The following OLFM3 variants were observed in gnomAD, a reference collection of about 807,000 sequenced individuals.
The protein encoded by OLFM3 is noelin-3.
OLFM3 carries 20 observed loss-of-function variants against 48.6 expected under a neutral mutation model. The ratio of observed to expected loss-of-function variants is 0.41; its 90% confidence interval spans 0.29 to 0.60. OLFM3 has a LOEUF of 0.60. Among genes scored for constraint, OLFM3 ranks in the 20% least tolerant of loss-of-function variants. The probability of loss-of-function intolerance (pLI) is 0.28; values close to 1 mark genes in which losing one functional copy is unlikely to be tolerated. For missense variants in OLFM3, 437 were observed against 544.3 expected, an observed-to-expected ratio of 0.80 and a Z score of 1.96; for synonymous variants, 222 against 198.1, an observed-to-expected ratio of 1.12 and a Z score of -1.01.
chr1:101,928,854 T>G (rs1173890795), intron 1 of OLFM3, among the ~76,000 whole-genome samples: 1 of 152,122 alleles, frequency 6.6e-6, no homozygotes, highest in East Asian at 1.9e-4. Context: ...AAAAGAGGCT[T>G]GTATTAAAAT....
At chr1:101,877,846 C>T (rs1420732641) in intron 1 of OLFM3, among the ~76,000 whole-genome samples, 1 of 150,786 alleles carries the variant, frequency 6.6e-6, no homozygotes, top group Non-Finnish European at 1.5e-5. Context: ...TTTATTAAAT[C>T]TTAGTTGTAA....
intron 1 of OLFM3, among the ~76,000 whole-genome samples, chr1:101,993,517 C>T (rs982524691): frequency 3.3e-5 from 5 of 151,976 alleles, no homozygotes; most frequent in Admixed American, 6.6e-5. Context: ...TTTGGCATGT[C>T]GTCTATAATT....
intron 4 of OLFM3, among the ~76,000 whole-genome samples, chr1:101,817,634 T>C (rs1357246553): frequency 1.3e-5 from 2 of 148,890 alleles, no homozygotes; most frequent in African/African-American, 5.0e-5. Flanking sequence ...TTATTTCTTA[T>C]ATAATTGTAC....
intron 3 of OLFM3, among the ~76,000 whole-genome samples, chr1:101,829,617 C>T (rs1455913006): frequency 6.6e-6 from 1 of 152,218 alleles, no homozygotes; most frequent in Non-Finnish European, 1.5e-5. Flanking sequence ...CACCAGCCAC[C>T]ACTATGTGTA....
At chr1:101,976,484 A>C (rs1660955588) in intron 1 of OLFM3, among the ~76,000 whole-genome samples, 1 of 152,236 alleles carries the variant, frequency 6.6e-6, no homozygotes, top group Non-Finnish European at 1.5e-5. Flanking sequence ...ATACTAATAC[A>C]ATAATAGAAT....
At chr1:101,895,447 ACT>A in intron 1 of OLFM3, among the ~76,000 whole-genome samples, 1 of 149,814 alleles carries the variant, frequency 6.7e-6, no homozygotes, top group Non-Finnish European at 1.5e-5. Flanking sequence ...ACACACACAC[ACT>A]CACTCACATT....
chr1:101,949,969 A>G lies in OLFM3; in HGVS notation c.69+46779T>C, dbSNP rs551748930. Reference sequence around the variant, plus strand: ...AAAAAGCCTCTGATGCGGAGTTTGCAGTGAGCCGAGATCGTGCCACTGCAC... The same window carrying G: ...AAAAAGCCTCTGATGCGGAGTTTGCGGTGAGCCGAGATCGTGCCACTGCAC... On this transcript the variant is annotated intron_variant, in intron 1 of 5. Transcript: ENST00000370103. Among the ~76,000 whole-genome samples, 17 of 140,492 alleles carry G rather than the reference A, an allele frequency of 1.2e-4. No homozygotes were observed. The South Asian group carries it at 3.8e-3, about 31-fold the overall frequency. 92.2% of individuals were successfully genotyped at this position (140,492 alleles called of 152,430 possible).
chr1:101,810,332 T>C (rs926778669), intron 4 of OLFM3, among the ~76,000 whole-genome samples: 8 of 151,748 alleles, frequency 5.3e-5, no homozygotes, highest in African/African-American at 1.2e-4. Flanking sequence ...ACCAAAATAA[T>C]TGAAGAAAAA....
chr1:101,825,479 T>C (rs1654818503), intron 3 of OLFM3, among the ~76,000 whole-genome samples: 1 of 152,242 alleles, frequency 6.6e-6, no homozygotes, highest in Non-Finnish European at 1.5e-5. Context: ...TAGTTTTCTA[T>C]AACAAATATA....
At chr1:101,917,929 T>G (rs1658976773) in intron 1 of OLFM3, among the ~76,000 whole-genome samples, 1 of 152,204 alleles carries the variant, frequency 6.6e-6, no homozygotes, top group South Asian at 2.1e-4. Context: ...TAATTTATAA[T>G]TATTGAGGTT....
At chr1:101,940,126 A>C (rs1659741328) in intron 1 of OLFM3, among the ~76,000 whole-genome samples, 1 of 152,152 alleles carries the variant, frequency 6.6e-6, no homozygotes, top group Admixed American at 6.5e-5. Context: ...GTGATGGGCA[A>C]GTGCATGCAT....
intron 1 of OLFM3, among the ~76,000 whole-genome samples, chr1:101,917,486 T>G (rs896847236): frequency 7.5e-6 from 1 of 134,056 alleles, no homozygotes. Context: ...GTGGCATCCC[T>G]GCTCACTGCA....
At chr1:101,865,124 C>T (rs143767139) in intron 1 of OLFM3, among the ~76,000 whole-genome samples, 538 of 152,272 alleles carry the variant, frequency 3.5e-3, no homozygotes, top group African/African-American at 0.013. Flanking sequence ...TGGTTTCCCT[C>T]AGCCATTTGT....
Position 101,888,118 on chromosome 1 carries a change from A to G in OLFM3, c.70-51093T>C, listed in dbSNP as rs12041667. Among the ~76,000 whole-genome samples, 889 of 152,230 alleles carry G rather than the reference A, an allele frequency of 5.8e-3. 35 individuals carry two copies. The East Asian group carries it at 0.11, about 20-fold the overall frequency. On this transcript the variant is annotated intron_variant, in intron 1 of 5. Transcript: ENST00000370103. ...CAATGCCATCCCTATCAAGCTTCCA[A>G]TGACTTTCTTCACAGAATTGGAAAA...
chr1:101,926,686 T>G (rs1659279290), intron 1 of OLFM3, among the ~76,000 whole-genome samples: 1 of 152,218 alleles, frequency 6.6e-6, no homozygotes, highest in Non-Finnish European at 1.5e-5. Flanking sequence ...TTTCTTCACT[T>G]ACTAAAGTAG....
At chr1:101,827,905 GA>G (rs1394891816) in intron 3 of OLFM3, among the ~76,000 whole-genome samples, 1 of 152,180 alleles carries the variant, frequency 6.6e-6, no homozygotes, top group African/African-American at 2.4e-5. Flanking sequence ...GGGACCAGGT[GA>G]AAGGTGATTG....
chr1:101,822,230 A>G (rs1308004581), intron 4 of OLFM3, among the ~76,000 whole-genome samples: 2 of 152,148 alleles, frequency 1.3e-5, no homozygotes, highest in African/African-American at 4.8e-5. Context: ...ATTTCCATCT[A>G]GGTAAACCAG....
intron 1 of OLFM3, among the ~76,000 whole-genome samples, chr1:101,887,880 T>A (rs1331379425): frequency 6.6e-6 from 1 of 152,052 alleles, no homozygotes; most frequent in Non-Finnish European, 1.5e-5. Flanking sequence ...ACATTTGCAT[T>A]GTTTGAAAAA....
chr1:101,986,563 G>A (rs1046718745), intron 1 of OLFM3, among the ~76,000 whole-genome samples: 1 of 152,128 alleles, frequency 6.6e-6, no homozygotes, highest in African/African-American at 2.4e-5. Context: ...CATTTTGTAT[G>A]CTAAATTAAT....
Sources: allele counts gnomAD v4.1 joint callset (sites outside exome capture counted in the v4.1 genomes callset), GRCh38; gene constraint gnomAD v4.1.1; transcripts MANE v1.5; gene names NCBI Gene and HGNC (gene_info 2026-07-23, HGNC 2026-07-21).